TMEM181: variants seen among roughly 807,000 people sequenced by gnomAD.
The protein encoded by TMEM181 is G protein-coupled receptor 178.
TMEM181 carries 39 observed loss-of-function variants against 71.9 expected under a neutral mutation model. The ratio of observed to expected loss-of-function variants is 0.54; its 90% CI spans 0.42 to 0.71. The LOEUF (loss-of-function observed/expected upper bound fraction) is 0.71, where lower values mean the gene tolerates loss of function less well. TMEM181 is among the 30% of genes least tolerant of loss of function. TMEM181 has a pLI of 0.00. For missense variants in TMEM181, 595 were observed against 583.0 expected (o/e 1.02, Z -0.21); for synonymous variants, 245 against 228.8 (o/e 1.07, Z -0.64).
intron 1 of TMEM181, among the ~76,000 whole-genome samples, chr6:158,540,732 G>A (rs1187894485): frequency 6.6e-6 from 1 of 152,062 alleles, no homozygotes; most frequent in African/African-American, 2.4e-5. Context: ...ATCAGGATTC[G>A]CAGTGCTGGC....
At chr6:158,538,098 C>A (rs755781866) in intron 1 of TMEM181, among the ~76,000 whole-genome samples, 8 of 151,600 alleles carry the variant, frequency 5.3e-5, no homozygotes, top group Non-Finnish European at 1.2e-4. Flanking sequence ...AAGATTATTT[C>A]CAATCTCCTT....
At chr6:158,601,769 A>C (rs1784682879) in intron 6 of TMEM181, among the ~76,000 whole-genome samples, 1 of 151,968 alleles carries the variant, frequency 6.6e-6, no homozygotes, top group Non-Finnish European at 1.5e-5. Context: ...AAAAAAAAAA[A>C]AAAAAACAAG....
intron 6 of TMEM181, among the ~76,000 whole-genome samples, chr6:158,598,814 C>T (rs191958971): frequency 0.018 from 2,671 of 152,184 alleles, 97 homozygotes; most frequent in African/African-American, 0.061. Context: ...GCTGGGACTA[C>T]AGGCGCCCGC....
chr6:158,631,206 C>A, intron 15 of TMEM181, 117 bp from the exon 16 acceptor site: 1 of 1,008,512 alleles, frequency 9.9e-7, no homozygotes, highest in Non-Finnish European at 1.6e-6. Context: ...GACATGGCAG[C>A]TCTGCGATTT....
chr6:158,537,955 C>G (rs971827029), intron 1 of TMEM181, among the ~76,000 whole-genome samples: 12 of 152,070 alleles, frequency 7.9e-5, no homozygotes, highest in Admixed American at 7.9e-4. Context: ...AGTGAAAAAG[C>G]CCATTTTAAA....
chr6:158,592,662 A>C (rs1031151904), intron 6 of TMEM181, among the ~76,000 whole-genome samples: 2 of 152,168 alleles, frequency 1.3e-5, no homozygotes, highest in African/African-American at 4.8e-5. Context: ...ATTTTCATAT[A>C]TTTAGTAGAG....
intron 10 of TMEM181, among the ~76,000 whole-genome samples, chr6:158,616,515 T>C (rs567147755): frequency 2.0e-5 from 3 of 152,300 alleles, no homozygotes; most frequent in South Asian, 2.1e-4. Context: ...GAACTTCCAA[T>C]ACTATGTTGA....
chr6:158,624,446 G>C (rs1786153684), intron 11 of TMEM181, among the ~76,000 whole-genome samples: 1 of 152,250 alleles, frequency 6.6e-6, no homozygotes, highest in Non-Finnish European at 1.5e-5. Context: ...GATGGCGTGG[G>C]CCGGAGCCAT....
chr6:158,633,719 T>A lies in TMEM181; in HGVS notation c.*1831T>A, dbSNP rs959613634. On this transcript the variant is annotated 3_prime_UTR_variant, in exon 17 of 17. Transcript: ENST00000684151. ...ATATGGATTCTATTCACATTTGTTT[T>A]AAAAACCTTGTAAATATGAATGTTT... is the stretch of plus-strand genomic sequence containing the variant. 3 of 152,236 alleles carry A rather than the reference T, an allele frequency of 2.0e-5. No homozygotes were observed. Among genetic ancestry groups the A allele is most frequent in the African/African-American group, 7.2e-5 (3 of 41,472 alleles). 9.4% of individuals were successfully genotyped at this position (152,236 alleles called of 1,614,324 possible).
chr6:158,605,164 G>GTGTGTATATT, intron 6 of TMEM181, 103 bp from the exon 7 acceptor site: 2 of 682,186 alleles, frequency 2.9e-6, no homozygotes, highest in Non-Finnish European at 5.1e-6. Context: ...GTGTGTATGT[G>GTGTGTATATT]TATATATTGT....
At chr6:158,558,055 C>G (rs1278573044), upstream of TMEM181, among the ~76,000 whole-genome samples, 1 of 152,142 alleles carries the variant, frequency 6.6e-6, no homozygotes, top group Non-Finnish European at 1.5e-5. Flanking sequence ...CTCATGCTGA[C>G]CTGGGTGACG....
chr6:158,601,773 A>T (rs905629329), intron 6 of TMEM181, among the ~76,000 whole-genome samples: 2 of 151,980 alleles, frequency 1.3e-5, no homozygotes, highest in Non-Finnish European at 2.9e-5. Context: ...AAAAAAAAAA[A>T]AACAAGGCTA....
Position 158,536,863 on chromosome 6 carries a change from C to A in TMEM181, c.129C>A (p.Tyr43Ter). ...CGCCCTTCAAGGATGACCGCTACTA[C>A]AGGTGGGCGCGGCGCGGGCAGCGGC... The change falls in exon 1 of 17, where the codon TAC becomes TAA. Residue 43 changes from tyrosine to a stop codon, truncating the protein, a stop_gained and splice_region_variant. Transcript: ENST00000367090. LOFTEE classifies it high-confidence loss of function. The A allele has an allele frequency of 7.3e-7, 1 of 1,376,708 alleles. No individual in the cohort carries two copies. Among genetic ancestry groups the A allele is most frequent in the Non-Finnish European group, 9.4e-7 (1 of 1,059,030 alleles). 85.3% of individuals were successfully genotyped at this position (1,376,708 alleles called of 1,614,324 possible). A position where few individuals can be genotyped will look rare whatever the true frequency, so the allele number is the denominator to read the frequency against.
chr6:158,602,494 TG>T (rs1211245162), intron 6 of TMEM181, among the ~76,000 whole-genome samples: 1 of 152,242 alleles, frequency 6.6e-6, no homozygotes, highest in Non-Finnish European at 1.5e-5. Context: ...CAGTAGCGTG[TG>T]AGGGTTTCAG....
intron 1 of TMEM181, among the ~76,000 whole-genome samples, chr6:158,543,332 A>G (rs1781419490): frequency 3.9e-5 from 6 of 152,246 alleles, no homozygotes; most frequent in African/African-American, 4.8e-5. Flanking sequence ...CTGAAAGACC[A>G]TCCTTTGCCA....
chr6:158,605,213 C>T, intron 6 of TMEM181, 54 bp from the exon 7 acceptor site: 4 of 1,372,594 alleles, frequency 2.9e-6, no homozygotes, highest in Non-Finnish European at 4.1e-6. Context: ...GGTGTATTTT[C>T]TCTTAGATGC....
chr6:158,619,883 A>G (rs1785853887), intron 10 of TMEM181, among the ~76,000 whole-genome samples: 1 of 106,996 alleles, frequency 9.3e-6, no homozygotes, highest in African/African-American at 3.7e-5. Flanking sequence ...AAAAAAAAAA[A>G]AAAAAAGGAG....
chr6:158,611,984 C>CTCA (rs1554228494), intron 10 of TMEM181, among the ~76,000 whole-genome samples: 1 of 151,552 alleles, frequency 6.6e-6, no homozygotes, highest in Non-Finnish European at 1.5e-5. Context: ...ATACCCCCCC[C>CTCA]ACCTCCTAGT....
chr6:158,632,025 G>T lies in TMEM181; in HGVS notation c.*137G>T. On this transcript the variant is annotated 3_prime_UTR_variant, in exon 17 of 17. Coordinates refer to ENST00000684151, the MANE Select transcript of TMEM181 (RefSeq NM_001376852.1). ...TCATTTGTTTACATATTTTTTTAAA[G>T]GAAAACCAAAACTGAGGGTAAATTT... 1.1e-6 allele frequency: 1 copy of T among 891,512 alleles called. No individual in the cohort carries two copies. The highest frequency in any genetic ancestry group is 1.9e-5 in the South Asian group (1 of 53,742). The allele number at this position is 891,512 out of a possible 1,614,324, so 55.2% of individuals were successfully genotyped here.
Sources: gnomAD v4.1 joint callset for allele counts (sites outside exome capture counted in the v4.1 genomes callset) on GRCh38, gnomAD v4.1.1 for gene constraint, MANE v1.5 for transcripts, NCBI Gene and HGNC (gene_info 2026-07-23, HGNC 2026-07-21) for gene names.